SMARCA4: variants seen among roughly 807,000 people sequenced by gnomAD.
The protein encoded by SMARCA4 is SWI/SNF related BAF chromatin remodeling complex subunit ATPase 4.
In SMARCA4, 31 loss-of-function variants were observed where a neutral mutation model predicts 193.9. The ratio of observed to expected loss-of-function variants is 0.16; its 90% CI spans 0.12 to 0.22. SMARCA4 has a LOEUF of 0.22. Among genes scored for constraint, SMARCA4 ranks in the 10% least tolerant of loss-of-function variants. The pLI, the probability that SMARCA4 is intolerant of heterozygous loss-of-function variation, is 1.00. For missense variants in SMARCA4, 1,148 were observed against 2,296.0 expected (o/e 0.50, Z 10.22); for synonymous variants, 942 against 933.1 (o/e 1.01, Z -0.17).
intron 1 of SMARCA4, among the ~76,000 whole-genome samples, chr19:10,973,154 C>T (rs909855377): frequency 5.9e-5 from 9 of 151,768 alleles, no homozygotes; most frequent in Non-Finnish European, 1.2e-4. Context: ...CCACAGGGAG[C>T]GTGGGTCAGG....
At chr19:11,002,359 G>T (rs916536954) in intron 11 of SMARCA4, among the ~76,000 whole-genome samples, 1 of 152,092 alleles carries the variant, frequency 6.6e-6, no homozygotes, top group Non-Finnish European at 1.5e-5. Flanking sequence ...GGCACCTGTA[G>T]TCCCAGCTAC....
chr19:11,005,980 A>G (rs1283002047), intron 13 of SMARCA4, among the ~76,000 whole-genome samples: 4 of 152,140 alleles, frequency 2.6e-5, no homozygotes, highest in African/African-American at 9.7e-5. Flanking sequence ...TAATTCCAGC[A>G]TGTCTGTACC....
At chr19:10,988,125 T>C (rs1599976490) in intron 6 of SMARCA4, among the ~76,000 whole-genome samples, 2 of 140,562 alleles carry the variant, frequency 1.4e-5, no homozygotes, top group Non-Finnish European at 3.1e-5. Flanking sequence ...GTTCTCTCTC[T>C]TTTTTTTTTT....
chr19:11,052,909 G>C (rs560757108), intron 30 of SMARCA4, among the ~76,000 whole-genome samples: 15 of 152,144 alleles, frequency 9.9e-5, no homozygotes, highest in Non-Finnish European at 5.9e-5. Context: ...CTCTCATTTC[G>C]TCGTGTAAAA....
intron 14 of SMARCA4, chr19:11,008,344 G>A (rs1485995305): frequency 5.4e-6 from 2 of 370,466 alleles, no homozygotes; most frequent in African/African-American, 4.2e-5. Context: ...CCAGCCTTGT[G>A]TGTCATCTTC....
At chr19:11,014,519 C>T (rs1437245339) in intron 16 of SMARCA4, among the ~76,000 whole-genome samples, 4 of 152,208 alleles carry the variant, frequency 2.6e-5, no homozygotes, top group Admixed American at 2.6e-4. Flanking sequence ...AGCGTTCCTG[C>T]TGCACCTGCC....
chr19:11,039,447 T>A lies in SMARCA4; in HGVS notation c.4171-1860T>A, dbSNP rs2146774798. On this transcript the variant is annotated intron_variant, in intron 29 of 34. Transcript: ENST00000344626. ...GAAACACTAAACAGACATTAAAAAA[T>A]TTTGTTGTAGAAAATTACAGGAAAA... 2 of 1,574,730 alleles carry A rather than the reference T, an allele frequency of 1.3e-6. No homozygotes were observed. Among genetic ancestry groups the A allele is most frequent in the Non-Finnish European group, 1.7e-6 (2 of 1,155,980 alleles).
At chr19:11,045,507 CA>C (rs2075852693) in intron 30 of SMARCA4, among the ~76,000 whole-genome samples, 1 of 152,130 alleles carries the variant, frequency 6.6e-6, no homozygotes, top group African/African-American at 2.4e-5. Flanking sequence ...GTACATTCAC[CA>C]AGGTGTACAC....
chr19:10,993,117 C>T (rs1363791989), intron 8 of SMARCA4, among the ~76,000 whole-genome samples: 1 of 151,572 alleles, frequency 6.6e-6, no homozygotes. Flanking sequence ...ACCTGAGCAG[C>T]TGGAATTACA....
At chr19:11,026,497 C>CTTTTT (rs35017701) in intron 23 of SMARCA4, 151 bp downstream of exon 23, 3 of 415,218 alleles carry the variant, frequency 7.2e-6, no homozygotes, top group Non-Finnish European at 1.3e-5. Flanking sequence ...TAATACAAAT[C>CTTTTT]TTTTTTTTTT....
rs989916543 is a variant in SMARCA4 at position 11,030,274 on chromosome 19, A to G, written c.3383-456A>G. On this transcript the variant is annotated intron_variant, in intron 24 of 34. Coordinates refer to ENST00000344626, the MANE Select transcript of SMARCA4 (RefSeq NM_003072.5). The surrounding 1 kb of genome is among the most constrained non-coding windows in gnomAD (Gnocchi z 5.5). ...GACAGGGCTGAAGGCAGGTGCACCC[A>G]CAGTCACTGTCCACCCACCCCCAGG... 1.3e-5 allele frequency among the ~76,000 whole-genome samples: 2 copies of G among 152,232 alleles called. No individual in the cohort carries two copies. Among genetic ancestry groups the G allele is most frequent in the Admixed American group, 6.5e-5 (1 of 15,288 alleles).
In SMARCA4 at chr19:11,002,799, CA is replaced by C. The variant is rs747143883; in HGVS notation, c.1813-208del. Among the ~76,000 whole-genome samples, 19,566 of 83,896 alleles carry C rather than the reference CA, an allele frequency of 0.23. 596 individuals are homozygous for C. Among genetic ancestry groups the C allele is most frequent in the South Asian group, 0.3 (820 of 2,718 alleles). The allele number at this position is 83,896 out of a possible 152,430, so 55.0% of individuals were successfully genotyped here. A position where few individuals can be genotyped will look rare whatever the true frequency, so the allele number is the denominator to read the frequency against. On this transcript the variant is annotated intron_variant, in intron 11 of 34. Transcript: ENST00000344626. ...TGGGTGACAGAGCGAGACTCCGTCT[CA>C]AAAAAAAAAAAAAAAAAAAAAGAAG...
intron 9 of SMARCA4, chr19:10,995,317 C>T (rs2086928754): frequency 1.8e-6 from 1 of 542,624 alleles, no homozygotes; most frequent in African/African-American, 1.9e-5. Flanking sequence ...CGACCCCTAG[C>T]ATAAACATCT....
At chr19:10,983,040 T>C (rs2085691926) in intron 1 of SMARCA4, among the ~76,000 whole-genome samples, 1 of 152,192 alleles carries the variant, frequency 6.6e-6, no homozygotes, top group African/African-American at 2.4e-5. Context: ...TTAAAGACTA[T>C]TAAATGATAA....
chr19:11,049,484 TG>T (rs1227426114), intron 30 of SMARCA4, among the ~76,000 whole-genome samples: 12 of 140,354 alleles, frequency 8.5e-5, no homozygotes, highest in South Asian at 4.7e-4. Flanking sequence ...CTGGGTTCTG[TG>T]TTTTTTTTTT....
chr19:10,968,017 C>T (rs986967861), intron 1 of SMARCA4, among the ~76,000 whole-genome samples: 4 of 151,932 alleles, frequency 2.6e-5, no homozygotes, highest in Admixed American at 6.6e-5. Context: ...GCTGAGACTA[C>T]AGGCGCCCAC....
chr19:11,019,137 G>A lies in SMARCA4; in HGVS notation c.2505+114G>A, dbSNP rs190892711. Reference sequence around the variant, plus strand: ...ACCTGAGAATGCTGGGTCTCCAGTCGCATGGAGTCTCCAGGACAGCCTGGA... The same window carrying A: ...ACCTGAGAATGCTGGGTCTCCAGTCACATGGAGTCTCCAGGACAGCCTGGA... On this transcript the variant is annotated intron_variant, in intron 17 of 34. Transcript: ENST00000344626. The surrounding 1 kb of genome is among the most constrained non-coding windows in gnomAD (Gnocchi z 6.1). 17 of 835,404 alleles carry A rather than the reference G, an allele frequency of 2.0e-5. No homozygotes were observed. Among genetic ancestry groups the A allele is most frequent in the East Asian group, 7.6e-5 (3 of 39,728 alleles). 51.7% of individuals were successfully genotyped at this position (835,404 alleles called of 1,614,324 possible).
At chr19:11,036,311 CAA>C (rs1233764519) in intron 29 of SMARCA4, among the ~76,000 whole-genome samples, 1 of 152,174 alleles carries the variant, frequency 6.6e-6, no homozygotes, top group African/African-American at 2.4e-5. Context: ...TTAATAAAGA[CAA>C]AGTCTTGCTG....
chr19:11,030,764 G>A lies in SMARCA4; in HGVS notation c.3417G>A (p.Leu1139=), dbSNP rs1600364543. The change falls in exon 25 of 35, where the codon CTG becomes CTA. Residue 1139 remains leucine (L), a synonymous_variant. Coordinates refer to ENST00000344626, the MANE Select transcript of SMARCA4 (RefSeq NM_003072.5). This position sits in a 1 kb window ranked among gnomAD's most constrained non-coding sequence, Gnocchi z 5.5. ...TTKAEDRGML[L]KTFNEPGSEY... is the part of the protein sequence containing the mutation. ...AGGCGGAGGACCGGGGCATGCTGCTGAAAACCTTCAACGAGCCCGGCTCTG... is the reference window on the plus strand; with the variant it reads ...AGGCGGAGGACCGGGGCATGCTGCTAAAAACCTTCAACGAGCCCGGCTCTG... The A allele has an allele frequency of 1.9e-6, 3 of 1,611,924 alleles. No individual in the cohort carries two copies. Among genetic ancestry groups the A allele is most frequent in the Admixed American group, 1.7e-5 (1 of 59,796 alleles).
Sources: gnomAD v4.1 joint callset for allele counts (sites outside exome capture counted in the v4.1 genomes callset) on GRCh38, gnomAD v4.1.1 for gene constraint, Gnocchi (gnomAD v3.1) non-coding constraint, MANE v1.5 for transcripts, NCBI Gene and HGNC (gene_info 2026-07-23, HGNC 2026-07-21) for gene names.